The following TMEM242 variants were observed in gnomAD, a reference collection of about 807,000 sequenced individuals.
TMEM242 encodes the protein UPF0463 transmembrane protein C6orf35.
TMEM242 carries 10 observed loss-of-function variants against 18.2 expected under a neutral mutation model. That is an observed-to-expected ratio of 0.55 (90% CI 0.34 to 0.93). The LOEUF is 0.93. TMEM242 is among the 40% of genes least tolerant of loss of function. The probability of loss-of-function intolerance (pLI) is 0.02; values close to 1 mark genes in which losing one functional copy is unlikely to be tolerated. For missense variants in TMEM242, 186 were observed against 175.5 expected (o/e 1.06, Z -0.34); for synonymous variants, 57 against 69.9 (o/e 0.81, Z 0.92).
rs587680481 is a variant in TMEM242, at chr6:157,315,023, T to G, written c.327+3759A>C. On this transcript the variant is annotated intron_variant, in intron 3 of 3. Transcript: ENST00000400788. ...CAATTATTTAACGCTGGAGTTGATT[T>G]TATCTAGAATGATCATCTCAGTTAT... 8.5e-5 allele frequency among the ~76,000 whole-genome samples: 13 copies of G among 152,346 alleles called. No homozygotes were observed. The East Asian group carries it at 2.1e-3, about 25-fold the overall frequency.
intron 3 of TMEM242, among the ~76,000 whole-genome samples, chr6:157,296,835 C>T (rs188625434): frequency 6.6e-6 from 1 of 152,310 alleles, no homozygotes; most frequent in African/African-American, 2.4e-5. Context: ...TCCAACAGTG[C>T]TGCATTGTCA....
intron 3 of TMEM242, among the ~76,000 whole-genome samples, chr6:157,304,143 G>A (rs1221915713): frequency 6.6e-6 from 1 of 152,070 alleles, no homozygotes; most frequent in Non-Finnish European, 1.5e-5. Flanking sequence ...AACTTATAAT[G>A]TGGCATAAAA....
chr6:157,322,643 G>A (rs1583578526), intron 2 of TMEM242, 62 bp downstream of exon 2: 5 of 1,386,672 alleles, frequency 3.6e-6, no homozygotes, highest in Non-Finnish European at 9.9e-7. Context: ...TTTTTTCTAC[G>A]CAAAAGCTGC....
intron 3 of TMEM242, among the ~76,000 whole-genome samples, chr6:157,298,517 C>A (rs1777781716): frequency 6.6e-6 from 1 of 152,216 alleles, no homozygotes; most frequent in Admixed American, 6.5e-5. Flanking sequence ...ACATGCCCAA[C>A]ATGCAGCTGC....
intron 3 of TMEM242, among the ~76,000 whole-genome samples, chr6:157,315,248 C>G (rs1554250212): frequency 6.6e-6 from 1 of 152,192 alleles, no homozygotes; most frequent in Admixed American, 6.5e-5. Context: ...CAGGGTCATA[C>G]CATAAGAATT....
intron 3 of TMEM242, among the ~76,000 whole-genome samples, chr6:157,312,389 GTACCGCAGTATCCA>G: frequency 7.7e-6 from 1 of 129,764 alleles, no homozygotes; most frequent in East Asian, 2.3e-4. Context: ...CCTCATCATA[GTACCGCAGTATCCA>G]CTCACCTAGC....
At position 157,305,013 on chromosome 6, in the gene TMEM242, G is replaced by A. The variant is rs183370154; in HGVS notation, c.328-12014C>T. The stretch of plus-strand genomic sequence containing the variant: ...GGCTCAAGATGAGGTCAGTGAGGTT[G>A]GTGGGGCTACATCATGTAAACCTTC... On this transcript the variant is annotated intron_variant, in intron 3 of 3. Coordinates refer to ENST00000400788, the MANE Select transcript of TMEM242 (RefSeq NM_018452.6). The surrounding 1 kb of genome is among the most constrained non-coding windows in gnomAD (Gnocchi z 4.1). Among the ~76,000 whole-genome samples the A allele has an allele frequency of 6.6e-6, 1 of 152,250 alleles. No homozygotes were observed. Among genetic ancestry groups the A allele is most frequent in the Non-Finnish European group, 1.5e-5 (1 of 68,018 alleles).
Position 157,293,006 on chromosome 6 carries a change from G to C in TMEM242, c.328-7C>G. 6.2e-7 allele frequency: 1 copy of C among 1,601,142 alleles called. No individual in the cohort carries two copies. Among genetic ancestry groups the C allele is most frequent in the South Asian group, 1.1e-5 (1 of 90,670 alleles). ...TACTTCGAAAGTCGTTCATCTAAAA[G>C]AAGAAAAATAATCAGTTATCAAATG... On this transcript the variant is annotated splice_polypyrimidine_tract_variant and splice_region_variant and intron_variant, in intron 3 of 3. Transcript: ENST00000400788.
At chr6:157,320,204 G>C (rs138356385) in intron 2 of TMEM242, among the ~76,000 whole-genome samples, 2 of 152,282 alleles carry the variant, frequency 1.3e-5, no homozygotes, top group African/African-American at 4.8e-5. Context: ...CCCAGAGGGA[G>C]ACAGAACCAT....
intron 3 of TMEM242, among the ~76,000 whole-genome samples, chr6:157,293,387 C>A (rs587611031): frequency 2.6e-4 from 40 of 151,546 alleles, no homozygotes; most frequent in African/African-American, 9.0e-4. Context: ...AACAAACAAA[C>A]CACTCTTAAT....
At chr6:157,301,896 C>T (rs1777835412) in intron 3 of TMEM242, among the ~76,000 whole-genome samples, 1 of 152,090 alleles carries the variant, frequency 6.6e-6, no homozygotes, top group Non-Finnish European at 1.5e-5. Context: ...CATGACACTG[C>T]ACTCCAGCCT....
intron 3 of TMEM242, among the ~76,000 whole-genome samples, chr6:157,317,080 C>T (rs1554250403): frequency 6.6e-6 from 1 of 152,180 alleles, no homozygotes; most frequent in East Asian, 1.9e-4. Context: ...CCTGCTGAAT[C>T]ATTCCCATCA....
intron 3 of TMEM242, among the ~76,000 whole-genome samples, chr6:157,301,358 C>T (rs2128413295): frequency 6.6e-6 from 1 of 151,976 alleles, no homozygotes; most frequent in East Asian, 1.9e-4. Context: ...TGCTCTGTTG[C>T]CCAGGTGCAA....
intron 3 of TMEM242, among the ~76,000 whole-genome samples, chr6:157,298,219 T>C (rs1033141817): frequency 6.6e-6 from 1 of 152,224 alleles, no homozygotes; most frequent in Non-Finnish European, 1.5e-5. Flanking sequence ...AACATGCTTC[T>C]TGATTTAATG....
At position 157,289,225 on chromosome 6, in the gene TMEM242, C is replaced by T. The variant is rs1404422622; in HGVS notation, c.*3676G>A. On this transcript the variant is annotated 3_prime_UTR_variant, in exon 4 of 4. Transcript: ENST00000400788. ...TTGGTAGCTGTGATTCTAATTTTCT[C>T]CAAAACTGAGTTATCTGCCATCACA... is the stretch of plus-strand genomic sequence containing the variant. 6.6e-6 allele frequency among the ~76,000 whole-genome samples: 1 copy of T among 152,102 alleles called. No individual in the cohort carries two copies. The highest frequency in any genetic ancestry group is 1.9e-4 in the East Asian group (1 of 5,180).
chr6:157,312,727 T>A, intron 3 of TMEM242, among the ~76,000 whole-genome samples: 1 of 142,672 alleles, frequency 7.0e-6, no homozygotes, highest in East Asian at 2.2e-4. Flanking sequence ...CTCATCTTAC[T>A]GTCCCAGTGT....
chr6:157,322,916 C>T (rs1324230314), intron 1 of TMEM242, 111 bp from the exon 2 acceptor site: 1 of 924,428 alleles, frequency 1.1e-6, no homozygotes, highest in African/African-American at 1.7e-5. Context: ...CAATCAAAAT[C>T]ACTTTTGAAA....
intron 3 of TMEM242, among the ~76,000 whole-genome samples, chr6:157,314,076 AT>A (rs1778325559): frequency 9.0e-6 from 1 of 110,940 alleles, no homozygotes; most frequent in African/African-American, 3.4e-5. Flanking sequence ...ACCCGGCCTC[AT>A]CATAGAGCCC....
intron 1 of TMEM242, 128 bp from the exon 2 acceptor site, chr6:157,322,933 A>G: frequency 1.3e-6 from 1 of 786,510 alleles, no homozygotes; most frequent in Non-Finnish European, 2.0e-6. Flanking sequence ...GAAATTCAAG[A>G]AACCATGGCT....
Sources: allele counts gnomAD v4.1 joint callset (sites outside exome capture counted in the v4.1 genomes callset), GRCh38; gene constraint gnomAD v4.1.1; non-coding constraint Gnocchi (gnomAD v3.1); transcripts MANE v1.5; gene names NCBI Gene and HGNC (gene_info 2026-07-23, HGNC 2026-07-21).